Variants in ZNF827 observed in about 807,000 individuals in gnomAD.
The protein encoded by ZNF827 is zinc finger protein 827.
Under a neutral mutation model 102.4 loss-of-function variants are expected in ZNF827, and 13 were observed. That is an observed-to-expected ratio of 0.13 (90% CI 0.08 to 0.20). ZNF827 has a LOEUF of 0.20. Ranked by LOEUF, ZNF827 falls within the 10% of genes least tolerant of loss-of-function variation. The pLI is 1.00. For synonymous variants in ZNF827, 523 were observed against 536.2 expected (o/e 0.98, Z 0.34); for missense variants, 1,103 against 1,344.4 (o/e 0.82, Z 2.81).
intron 1 of ZNF827, among the ~76,000 whole-genome samples, chr4:145,917,296 A>G (rs1029107422): frequency 2.6e-5 from 4 of 152,202 alleles, no homozygotes; most frequent in African/African-American, 7.2e-5. Context: ...ATAATTTGTA[A>G]AGAACTGAAA....
chr4:145,843,639 C>T (rs1203917189), intron 7 of ZNF827, among the ~76,000 whole-genome samples: 1 of 152,132 alleles, frequency 6.6e-6, no homozygotes, highest in Non-Finnish European at 1.5e-5. Flanking sequence ...TTAAAGAGCC[C>T]TCAGAAACCT....
chr4:145,808,712 C>T (rs976981038), intron 8 of ZNF827, among the ~76,000 whole-genome samples: 3 of 152,198 alleles, frequency 2.0e-5, no homozygotes, highest in African/African-American at 7.2e-5. Context: ...TTTTTCCCAA[C>T]ATTTTCATTG....
At chr4:145,907,783 A>G (rs1391746842) in intron 1 of ZNF827, among the ~76,000 whole-genome samples, 1 of 152,204 alleles carries the variant, frequency 6.6e-6, no homozygotes, top group African/African-American at 2.4e-5. Context: ...TCAGGTTCAC[A>G]CTCATTCTTG....
At chr4:145,872,912 G>A (rs1465016489) in intron 4 of ZNF827, among the ~76,000 whole-genome samples, 3 of 150,528 alleles carry the variant, frequency 2.0e-5, no homozygotes, top group African/African-American at 7.3e-5. Context: ...AAACAAGGTA[G>A]GCTTCATGAA....
chr4:145,828,962 C>G (rs1743936584), intron 7 of ZNF827, among the ~76,000 whole-genome samples: 1 of 152,182 alleles, frequency 6.6e-6, no homozygotes. Flanking sequence ...GAAGAGAAGG[C>G]TCATCTACTT....
chr4:145,871,688 C>G (rs1043186267), intron 4 of ZNF827, among the ~76,000 whole-genome samples: 1 of 152,264 alleles, frequency 6.6e-6, no homozygotes, highest in East Asian at 1.9e-4. Context: ...AAAAATAAAT[C>G]CCCGAAGCAA....
intron 8 of ZNF827, among the ~76,000 whole-genome samples, chr4:145,792,120 T>C (rs1739794105): frequency 6.6e-6 from 1 of 152,194 alleles, no homozygotes; most frequent in Admixed American, 6.5e-5. Context: ...GACCTGGTGC[T>C]AAGGAGGCCA....
chr4:145,761,122 G>C lies in ZNF827; in HGVS notation c.*494C>G, dbSNP rs773468131. On this transcript the variant is annotated 3_prime_UTR_variant, in exon 15 of 15. Transcript: ENST00000508784. This position sits in a 1 kb window ranked among gnomAD's most constrained non-coding sequence, Gnocchi z 6.8. Reference sequence around the variant, plus strand: ...CCGGGAGCTCCCGACCACCAGGAGCGGGGCCCCCGGGCCGGCCGGTTCCTT... The same window carrying C: ...CCGGGAGCTCCCGACCACCAGGAGCCGGGCCCCCGGGCCGGCCGGTTCCTT... 2 of 1,289,508 alleles carry C rather than the reference G, an allele frequency of 1.6e-6. No individual in the cohort carries two copies. Among genetic ancestry groups the C allele is most frequent in the African/African-American group, 3.0e-5 (2 of 65,860 alleles). 79.9% of individuals were successfully genotyped at this position (1,289,508 alleles called of 1,614,324 possible). A position where few individuals can be genotyped will look rare whatever the true frequency, so the allele number is the denominator to read the frequency against.
At chr4:145,817,878 CTG>C (rs1423288068) in intron 8 of ZNF827, among the ~76,000 whole-genome samples, 20 of 148,428 alleles carry the variant, frequency 1.3e-4, no homozygotes, top group Non-Finnish European at 1.5e-5. Flanking sequence ...TTTTATCTAA[CTG>C]AGAGTTTTAA....
At chr4:145,816,322 A>G (rs1460159585) in intron 8 of ZNF827, among the ~76,000 whole-genome samples, 1 of 152,270 alleles carries the variant, frequency 6.6e-6, no homozygotes, top group Non-Finnish European at 1.5e-5. Context: ...TGGCCACACA[A>G]TCACAGTTGT....
At chr4:145,853,128 G>C (rs1301210319) in intron 5 of ZNF827, among the ~76,000 whole-genome samples, 1 of 152,172 alleles carries the variant, frequency 6.6e-6, no homozygotes, top group African/African-American at 2.4e-5. Flanking sequence ...TCTAGCCTAG[G>C]CCTGGTATCA....
chr4:145,790,666 G>C (rs540586931), intron 8 of ZNF827, among the ~76,000 whole-genome samples: 9 of 152,112 alleles, frequency 5.9e-5, no homozygotes, highest in African/African-American at 2.2e-4. Context: ...TTTTCTTATG[G>C]ACAAGTCTTG....
chr4:145,907,204 T>C (rs992652937), intron 1 of ZNF827: 2 of 456,438 alleles, frequency 4.4e-6, no homozygotes, highest in Non-Finnish European at 8.8e-6. Context: ...CCCACTTTTT[T>C]TTTCTTCTTT....
At chr4:145,913,067 T>C (rs1369005028) in intron 1 of ZNF827, among the ~76,000 whole-genome samples, 2 of 152,168 alleles carry the variant, frequency 1.3e-5, no homozygotes, top group Non-Finnish European at 2.9e-5. Flanking sequence ...CTGGAAGGAC[T>C]ATGAGTGGAC....
intron 2 of ZNF827, among the ~76,000 whole-genome samples, chr4:145,900,798 C>T (rs796551535): frequency 4.3e-4 from 66 of 152,218 alleles, no homozygotes; most frequent in African/African-American, 1.5e-3. Context: ...TTTTTTCCAT[C>T]GTAGAACTAC....
In ZNF827 at chr4:145,934,943, C is replaced by T. The variant is rs1370282728; in HGVS notation, c.43+3422G>A. Among the ~76,000 whole-genome samples the T allele has an allele frequency of 2.0e-5, 3 of 152,258 alleles. No individual in the cohort carries two copies. The East Asian group carries it at 5.8e-4, about 29-fold the overall frequency. On this transcript the variant is annotated intron_variant, in intron 1 of 14. Transcript: ENST00000508784. ...CACTTCTTAAATGTGTTCACAGGTT[C>T]TACAGATTCTTAAAACAATATATTA...
chr4:145,889,712 C>G (rs920783480), intron 3 of ZNF827, among the ~76,000 whole-genome samples: 1 of 152,162 alleles, frequency 6.6e-6, no homozygotes, highest in Non-Finnish European at 1.5e-5. Context: ...TGCAGTGGCT[C>G]ACGCCCATAA....
Position 145,760,846 on chromosome 4 carries a change from C to T in ZNF827, c.*770G>A. The T allele has an allele frequency of 8.3e-7, 1 of 1,207,026 alleles. No individual in the cohort carries two copies. Among genetic ancestry groups the T allele is most frequent in the Non-Finnish European group, 1.1e-6 (1 of 950,016 alleles). The allele number at this position is 1,207,026 out of a possible 1,614,324, so 74.8% of individuals were successfully genotyped here. A position where few individuals can be genotyped will look rare whatever the true frequency, so the allele number is the denominator to read the frequency against. ...GAAGGAGTGTTTGGGTGAGGGGATG[C>T]TGGGAGGCGCAGTCTGAGGTCGGGG... is the stretch of plus-strand genomic sequence containing the variant. On this transcript the variant is annotated 3_prime_UTR_variant, in exon 15 of 15. Coordinates refer to ENST00000508784, the MANE Select transcript of ZNF827 (RefSeq NM_001306215.2).
At chr4:145,823,904 G>A (rs1743409985) in intron 7 of ZNF827, among the ~76,000 whole-genome samples, 1 of 152,194 alleles carries the variant, frequency 6.6e-6, no homozygotes, top group Non-Finnish European at 1.5e-5. Flanking sequence ...CGGTAGAGAT[G>A]GAATTGCCCT....
Sources: allele counts gnomAD v4.1 joint callset (sites outside exome capture counted in the v4.1 genomes callset), GRCh38; gene constraint gnomAD v4.1.1; non-coding constraint Gnocchi (gnomAD v3.1); transcripts MANE v1.5; gene names NCBI Gene and HGNC (gene_info 2026-07-23, HGNC 2026-07-21).